UGT1A9: variants seen among roughly 807,000 people sequenced by gnomAD.
UGT1A9 encodes the protein UDP-glucuronosyltransferase 1A9.
UGT1A9 carries 35 observed loss-of-function variants against 45.0 expected under a neutral mutation model. That is an observed-to-expected ratio of 0.78 (90% CI 0.59 to 1.03). The LOEUF is 1.03. Ranked by LOEUF, UGT1A9 falls within the 50% of genes least tolerant of loss-of-function variation. The probability of loss-of-function intolerance (pLI) is 0.00; values close to 1 mark genes in which losing one functional copy is unlikely to be tolerated. For missense variants in UGT1A9, 687 were observed against 666.6 expected (o/e 1.03, Z -0.34); for synonymous variants, 278 against 250.6 (o/e 1.11, Z -1.03).
intron 1 of UGT1A9, among the ~76,000 whole-genome samples, chr2:233,733,240 C>T (rs912669842): frequency 1.8e-4 from 28 of 152,276 alleles, no homozygotes; most frequent in Admixed American, 1.5e-3. Flanking sequence ...AATATACAAT[C>T]ATGTCATCTG....
Position 233,710,338 on chromosome 2 carries a change from C to T in UGT1A9, c.855+37549C>T, listed in dbSNP as rs976362588. On this transcript the variant is annotated intron_variant, in intron 1 of 4. Coordinates refer to ENST00000354728, the MANE Select transcript of UGT1A9 (RefSeq NM_021027.3). ...TATGTATGACTTCATAAGAAACAGT[C>T]GAACTGTTTCCAAAGCAGTTATACA... 2.6e-5 allele frequency among the ~76,000 whole-genome samples: 4 copies of T among 152,160 alleles called. No homozygotes were observed. The South Asian group carries it at 6.2e-4, about 24-fold the overall frequency.
At chr2:233,744,388 A>G (rs1176772242) in intron 1 of UGT1A9, among the ~76,000 whole-genome samples, 1 of 151,864 alleles carries the variant, frequency 6.6e-6, no homozygotes, top group Non-Finnish European at 1.5e-5. Flanking sequence ...CCAACGTTCC[A>G]GCCCCGGTGC....
chr2:233,772,801 T>A lies in UGT1A9; in HGVS notation c.*242T>A. ...CTTTGATCAGGATGACATGTGCCATTTTTCAGAGGACGTGCAGACAGGCTG... is the reference window on the plus strand; with the variant it reads ...CTTTGATCAGGATGACATGTGCCATATTTCAGAGGACGTGCAGACAGGCTG... On this transcript the variant is annotated 3_prime_UTR_variant, in exon 5 of 5. Coordinates refer to ENST00000354728, the MANE Select transcript of UGT1A9 (RefSeq NM_021027.3). The A allele has an allele frequency of 2.6e-6, 3 of 1,145,220 alleles. No homozygotes were observed. Among genetic ancestry groups the A allele is most frequent in the South Asian group, 3.5e-5 (2 of 57,704 alleles). 70.9% of individuals were successfully genotyped at this position (1,145,220 alleles called of 1,614,324 possible).
At chr2:233,741,092 C>G (rs1056351038) in intron 1 of UGT1A9, among the ~76,000 whole-genome samples, 2 of 151,810 alleles carry the variant, frequency 1.3e-5, no homozygotes, top group African/African-American at 4.9e-5. Flanking sequence ...AACAAACAAG[C>G]AAACAGACAA....
chr2:233,690,681 C>T (rs533534130), intron 1 of UGT1A9: 1 of 1,259,556 alleles, frequency 7.9e-7, no homozygotes, highest in Admixed American at 2.8e-5. Context: ...CCTGGGTCTC[C>T]AGCGGAGCTA....
intron 1 of UGT1A9, chr2:233,713,276 TCA>T: frequency 6.2e-7 from 1 of 1,614,224 alleles, no homozygotes; most frequent in Non-Finnish European, 8.5e-7. Context: ...TTTTGCTGGG[TCA>T]CACTCAATCG....
chr2:233,684,774 C>A (rs1250400105), intron 1 of UGT1A9, among the ~76,000 whole-genome samples: 2 of 151,864 alleles, frequency 1.3e-5, no homozygotes, highest in Non-Finnish European at 2.9e-5. Flanking sequence ...ATAAAGAGTG[C>A]CCTTTGGCAA....
intron 1 of UGT1A9, chr2:233,712,902 G>A (rs1351189678): frequency 6.2e-7 from 1 of 1,609,502 alleles, no homozygotes; most frequent in Non-Finnish European, 8.5e-7. Context: ...TTTGCTAGGT[G>A]TCTCAGTGAC....
In UGT1A9 at chr2:233,676,139, C is replaced by A. The variant is rs117461187; in HGVS notation, c.855+3350C>A. 5.3e-5 allele frequency among the ~76,000 whole-genome samples: 8 copies of A among 152,256 alleles called. No individual in the cohort carries two copies. The East Asian group carries it at 1.4e-3, about 26-fold the overall frequency. On this transcript the variant is annotated intron_variant, in intron 1 of 4. Coordinates refer to ENST00000354728, the MANE Select transcript of UGT1A9 (RefSeq NM_021027.3). The stretch of plus-strand genomic sequence containing the variant: ...GAAGACCCACCCTGGGGTCCTTGAG[C>A]TCCAGCGTCAGACTCCAAAACCATT...
intron 1 of UGT1A9, chr2:233,713,821 G>C: frequency 1.2e-6 from 2 of 1,614,060 alleles, no homozygotes; most frequent in Non-Finnish European, 1.7e-6. Flanking sequence ...GTCTTCATTG[G>C]GGGCATCAAC....
chr2:233,719,576 A>G, intron 1 of UGT1A9: 1 of 1,613,934 alleles, frequency 6.2e-7, no homozygotes, highest in East Asian at 2.2e-5. Context: ...TCAGCTATGC[A>G]TCCGTGTGGC....
chr2:233,737,385 T>G (rs1256116347), intron 1 of UGT1A9, among the ~76,000 whole-genome samples: 3 of 152,226 alleles, frequency 2.0e-5, no homozygotes, highest in Non-Finnish European at 4.4e-5. Flanking sequence ...AGAATCTCCT[T>G]GTCTGCCAGT....
chr2:233,725,566 C>A (rs559123427), intron 1 of UGT1A9, among the ~76,000 whole-genome samples: 1 of 152,004 alleles, frequency 6.6e-6, no homozygotes, highest in East Asian at 1.9e-4. Flanking sequence ...AACATATATT[C>A]GATATAAGAT....
intron 1 of UGT1A9, among the ~76,000 whole-genome samples, chr2:233,678,045 C>T (rs190246468): frequency 6.2e-4 from 95 of 152,154 alleles, no homozygotes; most frequent in African/African-American, 2.2e-3. Context: ...GAGGTCATTA[C>T]CCTAAGGGAA....
chr2:233,748,074 T>C lies in UGT1A9; in HGVS notation c.856-18960T>C, dbSNP rs1392402990. 2.5e-6 allele frequency: 4 copies of C among 1,613,184 alleles called. No individual in the cohort carries two copies. The East Asian group carries it at 8.9e-5, about 36-fold the overall frequency. On this transcript the variant is annotated intron_variant, in intron 1 of 4. Transcript: ENST00000354728. ...CAACTGTGCCAACAGGAAGCCACTA[T>C]CTCAGGTCGGTGTTCGTGCCTTCAT...
At chr2:233,764,272 G>A (rs1014540651) in intron 1 of UGT1A9, among the ~76,000 whole-genome samples, 1 of 152,062 alleles carries the variant, frequency 6.6e-6, no homozygotes, top group African/African-American at 2.4e-5. Context: ...TTCACTCTTT[G>A]GTCATTCCGG....
chr2:233,713,753 G>T (rs764408773), intron 1 of UGT1A9: 4 of 1,613,952 alleles, frequency 2.5e-6, no homozygotes, highest in East Asian at 2.2e-5. Flanking sequence ...ATGCATCTGT[G>T]TGGCTGTTCC....
chr2:233,740,112 A>C (rs1691308174), intron 1 of UGT1A9, among the ~76,000 whole-genome samples: 1 of 151,796 alleles, frequency 6.6e-6, no homozygotes, highest in African/African-American at 2.4e-5. Context: ...GCCTTTGCTT[A>C]TCTCTCACCT....
chr2:233,768,027 G>A (rs762903764), intron 3 of UGT1A9, 91 bp downstream of exon 3: 89 of 1,612,900 alleles, frequency 5.5e-5, no homozygotes, highest in Non-Finnish European at 7.1e-5. Context: ...TGTTGAGCTT[G>A]AAAATATTAT....
Sources: allele counts gnomAD v4.1 joint callset (sites outside exome capture counted in the v4.1 genomes callset), GRCh38; gene constraint gnomAD v4.1.1; transcripts MANE v1.5; gene names NCBI Gene and HGNC (gene_info 2026-07-23, HGNC 2026-07-21).